Variants in UBR1 observed in about 807,000 individuals in gnomAD.
UBR1 encodes E3 ubiquitin-protein ligase UBR1.
UBR1 carries 102 observed loss-of-function variants against 242.1 expected under a neutral mutation model. The observed-to-expected ratio is 0.42, with a 90% confidence interval of 0.36 to 0.50. The LOEUF (loss-of-function observed/expected upper bound fraction) is 0.50, where lower values mean the gene tolerates loss of function less well. Ranked by LOEUF, UBR1 falls within the 20% of genes least tolerant of loss-of-function variation. UBR1 has a pLI of 0.01. For synonymous variants in UBR1, 675 were observed against 684.8 expected (o/e 0.99, Z 0.22); for missense variants, 1,772 against 2,101.8 (o/e 0.84, Z 3.07).
chr15:43,017,927 C>T (rs904795265), intron 27 of UBR1, among the ~76,000 whole-genome samples: 2 of 151,726 alleles, frequency 1.3e-5, no homozygotes, highest in Non-Finnish European at 2.9e-5. Context: ...GAGATCTTAC[C>T]ATACATACTG....
At chr15:42,946,612 A>G (rs1161759675) in intron 46 of UBR1, among the ~76,000 whole-genome samples, 3 of 152,204 alleles carry the variant, frequency 2.0e-5, no homozygotes, top group Non-Finnish European at 4.4e-5. Context: ...GCCCCATCTA[A>G]TAAGTGTATT....
At chr15:43,091,862 G>A (rs1009792270) in intron 1 of UBR1, 2 of 322,042 alleles carry the variant, frequency 6.2e-6, no homozygotes, top group Non-Finnish European at 1.2e-5. Flanking sequence ...AACCCGGGAG[G>A]TGGAGGTTGC....
intron 30 of UBR1, among the ~76,000 whole-genome samples, chr15:43,006,106 G>GAAAAAAAAAAAAAAAAAC (rs1235960946): frequency 9.0e-6 from 1 of 111,472 alleles, no homozygotes. Flanking sequence ...AAAAAAAAAA[G>GAAAAAAAAAAAAAAAAAC]AAAAAAAAAA....
intron 33 of UBR1, among the ~76,000 whole-genome samples, chr15:42,993,291 G>A (rs1202351537): frequency 6.6e-6 from 1 of 151,926 alleles, no homozygotes; most frequent in African/African-American, 2.4e-5. Flanking sequence ...CTACTTTTCA[G>A]AGACTTCAGC....
intron 20 of UBR1, among the ~76,000 whole-genome samples, chr15:43,031,249 C>G (rs546972007): frequency 1.3e-5 from 2 of 149,692 alleles, no homozygotes; most frequent in Admixed American, 6.6e-5. Context: ...AACTAAAAAT[C>G]AAATCACAAG....
At chr15:43,074,920 T>C in intron 4 of UBR1, 59 bp downstream of exon 4, 3 of 1,323,818 alleles carry the variant, frequency 2.3e-6, no homozygotes, top group Non-Finnish European at 3.3e-6. Flanking sequence ...ACATTTATTC[T>C]TATCTAATCT....
intron 1 of UBR1, among the ~76,000 whole-genome samples, chr15:43,103,532 A>T (rs147752028): frequency 6.6e-6 from 1 of 152,336 alleles, no homozygotes; most frequent in East Asian, 1.9e-4. Context: ...TCAGACCTAC[A>T]GTATCAGTTC....
intron 11 of UBR1, among the ~76,000 whole-genome samples, chr15:43,055,117 G>C (rs1234511029): frequency 2.0e-5 from 3 of 152,112 alleles, no homozygotes; most frequent in African/African-American, 7.2e-5. Context: ...CACCTATCTG[G>C]ATACTCCAAG....
chr15:43,100,419 T>G (rs556154811), intron 1 of UBR1, among the ~76,000 whole-genome samples: 1 of 152,168 alleles, frequency 6.6e-6, no homozygotes, highest in Non-Finnish European at 1.5e-5. Context: ...TTCCCTTTTT[T>G]CTATCTACAA....
intron 33 of UBR1, among the ~76,000 whole-genome samples, chr15:42,997,361 C>T (rs1461950115): frequency 1.3e-5 from 2 of 152,206 alleles, no homozygotes; most frequent in African/African-American, 4.8e-5. Flanking sequence ...TTATATATTA[C>T]AATGTAATAA....
At chr15:43,065,510 C>T (rs1006458462) in intron 6 of UBR1, among the ~76,000 whole-genome samples, 3 of 152,124 alleles carry the variant, frequency 2.0e-5, no homozygotes, top group African/African-American at 4.8e-5. Context: ...ACTCTCTCTA[C>T]CCCCACACCC....
intron 5 of UBR1, among the ~76,000 whole-genome samples, chr15:43,069,104 G>A (rs565089335): frequency 5.3e-5 from 8 of 152,192 alleles, no homozygotes; most frequent in East Asian, 1.9e-4. Flanking sequence ...AGACTTAAGC[G>A]CCAGCACTGC....
intron 18 of UBR1, 57 bp downstream of exon 18, chr15:43,036,471 A>G: frequency 7.4e-7 from 1 of 1,355,848 alleles, no homozygotes; most frequent in South Asian, 1.2e-5. Context: ...CTCTCCTTAG[A>G]AAGAATTCAA....
rs916211326 is a variant in UBR1, at chr15:42,984,763, C to A, written c.4053+124G>T. 20 of 850,252 alleles carry A rather than the reference C, an allele frequency of 2.4e-5. No homozygotes were observed. In the African/African-American group the frequency reaches 3.3e-4, roughly 14 times the overall value. 52.7% of individuals were successfully genotyped at this position (850,252 alleles called of 1,614,324 possible). A position where few individuals can be genotyped will look rare whatever the true frequency, so the allele number is the denominator to read the frequency against. On this transcript the variant is annotated intron_variant, in intron 36 of 46. Transcript: ENST00000290650. ...TAAGACTGATGCAGTTCCTTTTTTC[C>A]CCACTATAGAATTCTGCTAATTTTT...
chr15:43,001,455 T>G (rs2032724442), intron 32 of UBR1, among the ~76,000 whole-genome samples: 1 of 152,266 alleles, frequency 6.6e-6, no homozygotes, highest in African/African-American at 2.4e-5. Flanking sequence ...CCAGAGCAAG[T>G]CTTTATATTG....
rs1295460185 is a variant in UBR1 at position 42,976,838 on chromosome 15, C to G, written c.4248G>C (p.Leu1416Phe). 1 of 1,613,952 alleles carries G rather than the reference C, an allele frequency of 6.2e-7. No individual in the cohort carries two copies. Residue 1416 changes from leucine to phenylalanine, a missense_variant, in exon 39 of 47, where the codon TTG (leucine) becomes TTC (phenylalanine). Around this residue, in one of 3 missense-constraint regions of UBR1, gnomAD observed 965 missense variants for 1,079.7 expected, o/e 0.89. Transcript: ENST00000290650. ...GCAGATCAACAGGGTCATCCCAATA[C>G]AAGGATGGGAATGCTAACACAGCAC... Reference protein sequence around the residue: ...LVGAVLAFPSLYWDDPVDLQP... With the variant: ...LVGAVLAFPSFYWDDPVDLQP...
intron 30 of UBR1, among the ~76,000 whole-genome samples, chr15:43,006,690 G>A (rs1176392653): frequency 6.6e-6 from 1 of 152,126 alleles, no homozygotes; most frequent in East Asian, 1.9e-4. Context: ...ATTCTAATCA[G>A]GAGGCAACTT....
chr15:43,101,455 TC>T (rs1050626932), intron 1 of UBR1, among the ~76,000 whole-genome samples: 4 of 152,106 alleles, frequency 2.6e-5, no homozygotes, highest in South Asian at 2.1e-4. Flanking sequence ...GGAGGTGCTG[TC>T]TACTGAGACA....
At chr15:43,091,930 A>T (rs1033880521) in intron 1 of UBR1, 20 of 385,322 alleles carry the variant, frequency 5.2e-5, no homozygotes, top group African/African-American at 3.9e-4. Context: ...AAAAAAAAAA[A>T]AAAAAATTAG....
Sources: gnomAD v4.1 joint callset for allele counts (sites outside exome capture counted in the v4.1 genomes callset) on GRCh38, gnomAD v4.1.1 for gene constraint, gnomAD v4.1.1 regional missense constraint, MANE v1.5 for transcripts, NCBI Gene and HGNC (gene_info 2026-07-23, HGNC 2026-07-21) for gene names.